The following CADPS2 variants were observed in gnomAD, a reference collection of about 807,000 sequenced individuals.
CADPS2 encodes calcium-dependent secretion activator 2.
In CADPS2, 93 loss-of-function variants were observed where a neutral mutation model predicts 172.5. That is an observed-to-expected ratio of 0.54 (90% CI 0.46 to 0.64). The LOEUF is 0.64. Among genes scored for constraint, CADPS2 ranks in the 30% least tolerant of loss-of-function variants. CADPS2 has a pLI of 0.00. For synonymous variants in CADPS2, 546 were observed against 555.2 expected (o/e 0.98, Z 0.23); for missense variants, 1,420 against 1,565.9 (o/e 0.91, Z 1.57).
At chr7:122,793,425 T>G (rs1187437352) in intron 1 of CADPS2, among the ~76,000 whole-genome samples, 1 of 152,174 alleles carries the variant, frequency 6.6e-6, no homozygotes, top group South Asian at 2.1e-4. Flanking sequence ...TTAAAGTCTG[T>G]TTTGTCTGAA....
chr7:122,650,032 C>G (rs956343038), intron 3 of CADPS2, among the ~76,000 whole-genome samples: 4 of 149,680 alleles, frequency 2.7e-5, no homozygotes, highest in Admixed American at 6.7e-5. Flanking sequence ...CCTCAGCCTC[C>G]CGAGTAGCTG....
At chr7:122,835,406 C>A (rs190251567) in intron 1 of CADPS2, among the ~76,000 whole-genome samples, 32 of 152,314 alleles carry the variant, frequency 2.1e-4, no homozygotes, top group African/African-American at 7.5e-4. Flanking sequence ...CGCAGCTCCT[C>A]GCCAGCAATG....
chr7:122,484,255 C>T (rs1449232585), intron 11 of CADPS2, among the ~76,000 whole-genome samples: 1 of 152,084 alleles, frequency 6.6e-6, no homozygotes, highest in Non-Finnish European at 1.5e-5. Flanking sequence ...ACTTGGACTA[C>T]CTAACTGTAA....
intron 20 of CADPS2, among the ~76,000 whole-genome samples, chr7:122,399,706 A>G (rs2045677695): frequency 2.2e-5 from 1 of 45,152 alleles, no homozygotes; most frequent in Non-Finnish European, 4.4e-5. Flanking sequence ...TTTTTTTTTG[A>G]GACGGAGTCT....
chr7:122,402,485 T>C lies in CADPS2; in HGVS notation c.2746+5055A>G, dbSNP rs543503848. Reference sequence around the variant, plus strand: ...GTTTTGTTTAAGATCCCTTCCATACTCCAAAAGATAAAAAACTATTTTTAA... The same window carrying C: ...GTTTTGTTTAAGATCCCTTCCATACCCCAAAAGATAAAAAACTATTTTTAA... On this transcript the variant is annotated intron_variant, in intron 20 of 29. Transcript: ENST00000449022. Among the ~76,000 whole-genome samples the C allele has an allele frequency of 2.0e-5, 3 of 152,114 alleles. No individual in the cohort carries two copies. In the East Asian group the frequency reaches 5.8e-4, roughly 29 times the overall value.
At chr7:122,751,648 C>T (rs2092958201) in intron 1 of CADPS2, among the ~76,000 whole-genome samples, 1 of 152,152 alleles carries the variant, frequency 6.6e-6, no homozygotes, top group South Asian at 2.1e-4. Flanking sequence ...TACAAGTCTC[C>T]ACAGCCAACA....
intron 1 of CADPS2, among the ~76,000 whole-genome samples, chr7:122,821,522 A>G (rs1803285857): frequency 6.6e-6 from 1 of 152,124 alleles, no homozygotes; most frequent in South Asian, 2.1e-4. Context: ...ATACCTTTTA[A>G]TCTAGGTAGA....
rs141779221 is a variant in CADPS2 at position 122,562,546 on chromosome 7, C to G, written c.1336-7857G>C. ...GAGATCCATTTTGAACTTCTGACTT[C>G]AGAACTATAAGATAACAAATTTATA... On this transcript the variant is annotated intron_variant, in intron 7 of 29. Coordinates refer to ENST00000449022, the MANE Select transcript of CADPS2 (RefSeq NM_017954.11). Among the ~76,000 whole-genome samples the G allele has an allele frequency of 2.9e-3, 439 of 152,256 alleles. 11 individuals carry two copies. Among genetic ancestry groups the G allele is most frequent in the Admixed American group, 0.022 (343 of 15,284 alleles).
chr7:122,490,324 T>G (rs564240687), intron 10 of CADPS2, 43 bp from the exon 11 acceptor site: 2 of 1,576,068 alleles, frequency 1.3e-6, no homozygotes, highest in African/African-American at 1.4e-5. Context: ...TTTATAGGAT[T>G]GGCAGATTTT....
intron 2 of CADPS2, among the ~76,000 whole-genome samples, chr7:122,732,704 TTATA>T (rs2091768595): frequency 2.1e-5 from 3 of 144,570 alleles, no homozygotes; most frequent in Admixed American, 7.2e-5. Flanking sequence ...ACATTATATA[TTATA>T]TATAATTATA....
intron 1 of CADPS2, among the ~76,000 whole-genome samples, chr7:122,817,623 G>T (rs914440923): frequency 1.3e-5 from 2 of 151,968 alleles, no homozygotes; most frequent in African/African-American, 4.8e-5. Flanking sequence ...ACCCTTAGTG[G>T]CAAGTCCTGC....
intron 1 of CADPS2, among the ~76,000 whole-genome samples, chr7:122,881,483 C>A (rs1020198185): frequency 1.3e-5 from 2 of 152,142 alleles, no homozygotes; most frequent in Non-Finnish European, 2.9e-5. Flanking sequence ...TACTTTAATA[C>A]GTGGTTTCCA....
intron 3 of CADPS2, among the ~76,000 whole-genome samples, chr7:122,654,522 T>C (rs968959638): frequency 6.6e-6 from 1 of 152,202 alleles, no homozygotes; most frequent in African/African-American, 2.4e-5. Flanking sequence ...ACTTTGCTAG[T>C]GCTCCATAAA....
intron 8 of CADPS2, among the ~76,000 whole-genome samples, chr7:122,532,739 G>A (rs776279511): frequency 6.6e-6 from 1 of 152,020 alleles, no homozygotes. Context: ...AACCATCTCT[G>A]TATATTTAAA....
At chr7:122,670,025 CCTT>C (rs1264232489) in intron 2 of CADPS2, among the ~76,000 whole-genome samples, 4 of 151,872 alleles carry the variant, frequency 2.6e-5, no homozygotes, top group Admixed American at 2.6e-4. Flanking sequence ...CCTCTCAGGC[CCTT>C]CTTCACCTCT....
chr7:122,407,721 G>A (rs2046819560), intron 19 of CADPS2, 25 bp from the exon 20 acceptor site: 2 of 1,580,286 alleles, frequency 1.3e-6, no homozygotes, highest in African/African-American at 2.7e-5. Context: ...AAACATAAAG[G>A]AGAAAAGTAG....
intron 1 of CADPS2, among the ~76,000 whole-genome samples, chr7:122,751,806 G>A (rs576566876): frequency 1.3e-5 from 2 of 152,290 alleles, no homozygotes; most frequent in African/African-American, 2.4e-5. Flanking sequence ...GTGAAATGCT[G>A]TGTAACTCAG....
chr7:122,711,798 A>G (rs769585899), intron 2 of CADPS2, among the ~76,000 whole-genome samples: 4 of 151,878 alleles, frequency 2.6e-5, no homozygotes, highest in Non-Finnish European at 5.9e-5. Flanking sequence ...GATTACAGGC[A>G]CGTGCCACCA....
At chr7:122,841,963 A>T (rs1810655720) in intron 1 of CADPS2, among the ~76,000 whole-genome samples, 1 of 152,162 alleles carries the variant, frequency 6.6e-6, no homozygotes, top group South Asian at 2.1e-4. Context: ...CAGAAGGATG[A>T]TTTACAAGGT....
Sources: allele counts gnomAD v4.1 joint callset (sites outside exome capture counted in the v4.1 genomes callset), GRCh38; gene constraint gnomAD v4.1.1; transcripts MANE v1.5; gene names NCBI Gene and HGNC (gene_info 2026-07-23, HGNC 2026-07-21).